Variants in LRRN3 observed in about 807,000 individuals in gnomAD.
LRRN3 encodes the protein leucine rich repeat neuronal 3.
Under a neutral mutation model 40.1 loss-of-function variants are expected in LRRN3, and 15 were observed. That is an observed-to-expected ratio of 0.37 (90% CI 0.25 to 0.58). The LOEUF is 0.58. Ranked by LOEUF, LRRN3 falls within the 20% of genes least tolerant of loss-of-function variation. The pLI is 0.72. For missense variants in LRRN3, 746 were observed against 837.7 expected, an observed-to-expected ratio of 0.89 and a Z score of 1.35; for synonymous variants, 308 against 297.2, an observed-to-expected ratio of 1.04 and a Z score of -0.37.
intron 2 of LRRN3, among the ~76,000 whole-genome samples, chr7:111,121,879 C>A (rs947590209): frequency 6.6e-6 from 1 of 152,074 alleles, no homozygotes; most frequent in South Asian, 2.1e-4. Context: ...AAATATACAC[C>A]ATGGAATACT....
rs1382441169 is a variant in LRRN3, at chr7:111,124,151, C to T, written c.1379C>T (p.Ser460Phe). The change falls in exon 3 of 3, where the codon TCT becomes TTT. Residue 460 changes from serine (S) to phenylalanine (F), a missense_variant. Coordinates refer to ENST00000308478, the MANE Select transcript of LRRN3 (RefSeq NM_001099658.2). Reference protein sequence around the residue: ...PQPEIYWITPSGQKLLPNTLT... With the variant: ...PQPEIYWITPFGQKLLPNTLT... ...CCTGAAATCTACTGGATAACACCTT[C>T]TGGTCAAAAACTCTTGCCTAATACC... The T allele has an allele frequency of 1.9e-6, 3 of 1,613,926 alleles. No homozygotes were observed. Among genetic ancestry groups the T allele is most frequent in the South Asian group, 2.2e-5 (2 of 91,062 alleles).
At chr7:111,097,705 TA>T (rs1246253834) in intron 1 of LRRN3, among the ~76,000 whole-genome samples, 2 of 151,874 alleles carry the variant, frequency 1.3e-5, no homozygotes, top group Non-Finnish European at 2.9e-5. Context: ...TATGGAGTGT[TA>T]ATGGGGTCTA....
At chr7:111,116,258 T>A (rs1799866856) in intron 2 of LRRN3, among the ~76,000 whole-genome samples, 1 of 152,134 alleles carries the variant, frequency 6.6e-6, no homozygotes, top group Admixed American at 6.5e-5. Context: ...GCTTGCTGGG[T>A]AAAAATAAAA....
chr7:111,096,458 T>C (rs1797405603), intron 1 of LRRN3, among the ~76,000 whole-genome samples: 1 of 151,442 alleles, frequency 6.6e-6, no homozygotes, highest in Non-Finnish European at 1.5e-5. Flanking sequence ...CAAATTAAAA[T>C]CTTTATTTCT....
Position 111,124,918 on chromosome 7 carries a change from A to C in LRRN3, c.*19A>C. ...GTCCTAAAAACCACCAAGGAAACCT[A>C]CTCCAAAAATGAACAAAAAAAAAAA... On this transcript the variant is annotated 3_prime_UTR_variant, in exon 3 of 3. Transcript: ENST00000308478. 1 of 1,446,554 alleles carries C rather than the reference A, an allele frequency of 6.9e-7. No homozygotes were observed. Among genetic ancestry groups the C allele is most frequent in the South Asian group, 1.5e-5 (1 of 65,622 alleles). The allele number at this position is 1,446,554 out of a possible 1,614,324, so 89.6% of individuals were successfully genotyped here. A position where few individuals can be genotyped will look rare whatever the true frequency, so the allele number is the denominator to read the frequency against.
chr7:111,109,019 A>C (rs1031856680), intron 2 of LRRN3, among the ~76,000 whole-genome samples: 5 of 152,232 alleles, frequency 3.3e-5, no homozygotes, highest in Admixed American at 6.5e-5. Flanking sequence ...AGTAAGCAAT[A>C]AACAAAAAGC....
intron 1 of LRRN3, among the ~76,000 whole-genome samples, chr7:111,093,088 A>G (rs919891426): frequency 1.3e-5 from 2 of 152,238 alleles, no homozygotes; most frequent in Admixed American, 6.5e-5. Context: ...TAAGAAGTCA[A>G]TTAATTCCAG....
At chr7:111,107,459 T>C (rs1282623174) in intron 2 of LRRN3, among the ~76,000 whole-genome samples, 26 of 152,070 alleles carry the variant, frequency 1.7e-4, no homozygotes, top group Admixed American at 1.7e-3. Flanking sequence ...TGGATAGTTC[T>C]TTGTATACTT....
rs780539234 is a variant in LRRN3 at position 111,124,934 on chromosome 7, A to C, written c.*35A>C. 80 of 1,136,742 alleles carry C rather than the reference A, an allele frequency of 7.0e-5. No homozygotes were observed. Among genetic ancestry groups the C allele is most frequent in the Non-Finnish European group, 9.2e-5 (78 of 847,826 alleles). 70.4% of individuals were successfully genotyped at this position (1,136,742 alleles called of 1,614,324 possible). A position where few individuals can be genotyped will look rare whatever the true frequency, so the allele number is the denominator to read the frequency against. ...AGGAAACCTACTCCAAAAATGAACAAAAAAAAAAAAAGCGAAAGACTGCAG... is the reference window on the plus strand; with the variant it reads ...AGGAAACCTACTCCAAAAATGAACACAAAAAAAAAAAGCGAAAGACTGCAG... On this transcript the variant is annotated 3_prime_UTR_variant, in exon 3 of 3. Transcript: ENST00000308478.
In LRRN3 at chr7:111,122,730, G is replaced by A. The variant is rs1217413524; in HGVS notation, c.-43G>A. The stretch of plus-strand genomic sequence containing the variant: ...ATTGAACTTACTAGCACTGACTGTG[G>A]AATCCTTAAGGGCCCATTACATTTC... On this transcript the variant is annotated 5_prime_UTR_variant, in exon 3 of 3. Transcript: ENST00000308478. 1 of 1,489,872 alleles carries A rather than the reference G, an allele frequency of 6.7e-7. No individual in the cohort carries two copies. Among genetic ancestry groups the A allele is most frequent in the African/African-American group, 1.4e-5 (1 of 71,856 alleles). 92.3% of individuals were successfully genotyped at this position (1,489,872 alleles called of 1,614,324 possible). A position where few individuals can be genotyped will look rare whatever the true frequency, so the allele number is the denominator to read the frequency against.
intron 2 of LRRN3, among the ~76,000 whole-genome samples, chr7:111,107,726 C>G (rs1472233571): frequency 6.6e-6 from 1 of 152,034 alleles, no homozygotes; most frequent in Non-Finnish European, 1.5e-5. Flanking sequence ...TATTTCAGAT[C>G]TAGTGAGTAA....
intron 2 of LRRN3, among the ~76,000 whole-genome samples, chr7:111,104,157 C>A (rs909056371): frequency 3.3e-5 from 5 of 151,644 alleles, no homozygotes; most frequent in African/African-American, 1.2e-4. Flanking sequence ...GGATACCTTC[C>A]TTCATTCATG....
At chr7:111,115,725 T>C (rs946439399) in intron 2 of LRRN3, among the ~76,000 whole-genome samples, 3 of 152,152 alleles carry the variant, frequency 2.0e-5, no homozygotes, top group Admixed American at 6.6e-5. Flanking sequence ...AGAGTGCAGC[T>C]GGCACCATCT....
rs925155204 is a variant in LRRN3 at position 111,124,012 on chromosome 7, G to A, written c.1240G>A (p.Asp414Asn). Residue 414 changes from aspartate to asparagine, a missense_variant, in exon 3 of 3, where the codon GAC becomes AAC. Transcript: ENST00000308478. ...GQNVRQVHFR[D>N]MMEICLPLIA... Reference sequence around the variant, plus strand: ...GAATGTTCGGCAAGTGCATTTCAGGGACATGATGGAAATTTGTCTCCCTCT... The same window carrying A: ...GAATGTTCGGCAAGTGCATTTCAGGAACATGATGGAAATTTGTCTCCCTCT... The A allele has an allele frequency of 1.2e-6, 2 of 1,613,976 alleles. No homozygotes were observed. The highest frequency in any genetic ancestry group is 1.3e-5 in the African/African-American group (1 of 74,920).
At position 111,125,080 on chromosome 7, in the gene LRRN3, A is replaced by G; in HGVS notation, c.*181A>G. 1 of 508,720 alleles carries G rather than the reference A, an allele frequency of 2.0e-6. No homozygotes were observed. Among genetic ancestry groups the G allele is most frequent in the Middle Eastern group, 5.3e-4 (1 of 1,904 alleles). The allele number at this position is 508,720 out of a possible 1,614,324, so 31.5% of individuals were successfully genotyped here. On this transcript the variant is annotated 3_prime_UTR_variant, in exon 3 of 3. Coordinates refer to ENST00000308478, the MANE Select transcript of LRRN3 (RefSeq NM_001099658.2). ...GACCAATGGAAATATGTACAACTTC[A>G]GCATTTTAAGTAACTGGCTTCAAGG...
chr7:111,111,299 TAAAAAAAA>T (rs751990466), intron 2 of LRRN3, among the ~76,000 whole-genome samples: 2 of 92,282 alleles, frequency 2.2e-5, no homozygotes, highest in African/African-American at 3.9e-5. Flanking sequence ...GTAGCAGTTG[TAAAAAAAA>T]AAAAAAAAAA....
intron 2 of LRRN3, among the ~76,000 whole-genome samples, chr7:111,108,701 ATATT>A (rs1336159302): frequency 6.6e-6 from 1 of 152,150 alleles, no homozygotes; most frequent in African/African-American, 2.4e-5. Flanking sequence ...TAAAAAAAAC[ATATT>A]TATTTCTGTT....
Position 111,093,871 on chromosome 7 carries a change from T to A in LRRN3, c.-441+2367T>A, listed in dbSNP as rs143362190. 3.3e-4 allele frequency among the ~76,000 whole-genome samples: 50 copies of A among 152,204 alleles called. 1 individual carries two copies. In the East Asian group the frequency reaches 9.3e-3, roughly 28 times the overall value. On this transcript the variant is annotated intron_variant, in intron 1 of 2. Coordinates refer to ENST00000308478, the MANE Select transcript of LRRN3 (RefSeq NM_001099658.2). The stretch of plus-strand genomic sequence containing the variant: ...CTGGCAAGACAATTCAAAGGACCAT[T>A]TTTTTCAGGGTGTCGCTTGTCACAG...
chr7:111,122,114 C>T (rs1387310606), intron 2 of LRRN3, among the ~76,000 whole-genome samples: 1 of 151,616 alleles, frequency 6.6e-6, no homozygotes, highest in East Asian at 1.9e-4. Context: ...GGAGATATAC[C>T]TAATGTTAAA....
Sources: gnomAD v4.1 joint callset for allele counts (sites outside exome capture counted in the v4.1 genomes callset) on GRCh38, gnomAD v4.1.1 for gene constraint, MANE v1.5 for transcripts, NCBI Gene and HGNC (gene_info 2026-07-23, HGNC 2026-07-21) for gene names.